The following DOCK8 variants were observed in gnomAD, a reference collection of about 807,000 sequenced individuals.
DOCK8 encodes dedicator of cytokinesis protein 8.
A neutral mutation model predicts 245.6 loss-of-function variants in DOCK8; 141 were observed. The ratio of observed to expected loss-of-function variants is 0.57; its 90% CI spans 0.50 to 0.66. The LOEUF (loss-of-function observed/expected upper bound fraction) is 0.66. Ranked by LOEUF, DOCK8 falls within the 30% of genes least tolerant of loss-of-function variation. DOCK8 has a pLI of 0.00. For missense variants in DOCK8, 2,965 were observed against 2,603.4 expected (o/e 1.14, Z -3.02); for synonymous variants, 1,168 against 970.2 (o/e 1.20, Z -3.79).
chr9:244,703 G>T (rs1051735441), intron 1 of DOCK8, among the ~76,000 whole-genome samples: 1 of 151,958 alleles, frequency 6.6e-6, no homozygotes, highest in Non-Finnish European at 1.5e-5. Flanking sequence ...GGTCTGCATG[G>T]TTCCTCCCTA....
At chr9:241,249 C>T (rs2047367166) in intron 1 of DOCK8, among the ~76,000 whole-genome samples, 1 of 152,230 alleles carries the variant, frequency 6.6e-6, no homozygotes, top group East Asian at 1.9e-4. Context: ...AATATCCTCC[C>T]TTTAAGTATT....
At chr9:287,732 C>T (rs1225470290) in intron 3 of DOCK8, among the ~76,000 whole-genome samples, 2 of 152,214 alleles carry the variant, frequency 1.3e-5, no homozygotes. Flanking sequence ...CATACTCCCC[C>T]ATTTTCAGTC....
chr9:295,165 A>T (rs1016038870), intron 4 of DOCK8, among the ~76,000 whole-genome samples: 23 of 152,234 alleles, frequency 1.5e-4, no homozygotes, highest in Non-Finnish European at 2.8e-4. Context: ...GTCTTAAAAA[A>T]AAAAAAAGAA....
intron 1 of DOCK8, among the ~76,000 whole-genome samples, chr9:251,423 A>G (rs1587665218): frequency 6.6e-6 from 1 of 152,332 alleles, no homozygotes; most frequent in Non-Finnish European, 1.5e-5. Context: ...GCCAGGTTCA[A>G]AGTCTCAGCA....
At chr9:214,824 C>G, upstream of DOCK8, 2 of 1,597,728 alleles carry the variant, frequency 1.3e-6, no homozygotes, top group Non-Finnish European at 1.7e-6. Flanking sequence ...GGGGTGATTT[C>G]GGCTTAGAAG....
chr9:388,023 GTAA>G (rs1481314535), intron 23 of DOCK8, among the ~76,000 whole-genome samples: 6 of 152,132 alleles, frequency 3.9e-5, no homozygotes, highest in African/African-American at 1.4e-4. Context: ...AGGTGTTCTT[GTAA>G]TAATGCTGCC....
intron 1 of DOCK8, among the ~76,000 whole-genome samples, chr9:225,147 C>G (rs185775290): frequency 6.1e-5 from 9 of 147,366 alleles, no homozygotes; most frequent in African/African-American, 2.0e-4. Context: ...AGACAAGCAG[C>G]CTATGCCCTC....
chr9:352,515 G>A (rs528074311), intron 14 of DOCK8, among the ~76,000 whole-genome samples: 130 of 152,124 alleles, frequency 8.5e-4, no homozygotes, highest in African/African-American at 2.8e-3. Context: ...AGGCCGAGGC[G>A]GGTGGATCAC....
rs1054003885 is a variant in DOCK8 at position 449,677 on chromosome 9, C to A, written c.5818-107C>A. ...TTTTAAATTACTCTGAAAGTCTTTC[C>A]CTAGCTGCCTCTTCAAATTCAGGTG... On this transcript the variant is annotated intron_variant, in intron 44 of 47. Transcript: ENST00000432829. 6 of 1,421,100 alleles carry A rather than the reference C, an allele frequency of 4.2e-6. No homozygotes were observed. The African/African-American group carries it at 8.5e-5, about 20-fold the overall frequency. 88.0% of individuals were successfully genotyped at this position (1,421,100 alleles called of 1,614,324 possible).
intron 1 of DOCK8, among the ~76,000 whole-genome samples, chr9:220,242 G>A (rs896866656): frequency 3.3e-5 from 5 of 152,196 alleles, no homozygotes; most frequent in Admixed American, 1.3e-4. Context: ...AGGTCCATTT[G>A]TGCTTTAGGC....
At chr9:288,054 G>A (rs892414787) in intron 3 of DOCK8, among the ~76,000 whole-genome samples, 10 of 150,178 alleles carry the variant, frequency 6.7e-5, no homozygotes, top group Admixed American at 6.0e-4. Flanking sequence ...AGAGGAAGGA[G>A]GAGGTTTTTT....
intron 4 of DOCK8, among the ~76,000 whole-genome samples, chr9:301,984 T>C (rs1563895864): frequency 6.8e-6 from 1 of 146,342 alleles, no homozygotes; most frequent in Non-Finnish European, 1.5e-5. Context: ...TTTCACAGAA[T>C]TTAAAAAAAA....
At chr9:300,711 T>A (rs927322744) in intron 4 of DOCK8, among the ~76,000 whole-genome samples, 8 of 152,196 alleles carry the variant, frequency 5.3e-5, no homozygotes, top group African/African-American at 1.9e-4. Context: ...GAGACTGTTA[T>A]AAATACCCCT....
chr9:336,796 G>A (rs889487967), intron 12 of DOCK8, 78 bp downstream of exon 12: 27 of 1,571,142 alleles, frequency 1.7e-5, no homozygotes, highest in South Asian at 6.7e-5. Context: ...AGGAGGATAC[G>A]TAGTGATTAA....
intron 12 of DOCK8, among the ~76,000 whole-genome samples, chr9:337,171 A>C (rs539018006): frequency 1.3e-5 from 2 of 152,260 alleles, no homozygotes; most frequent in East Asian, 3.9e-4. Context: ...CCACTTCCCA[A>C]CACTGCCACC....
chr9:393,671 T>C lies in DOCK8; in HGVS notation c.2970+3105T>C, dbSNP rs58977443. The stretch of plus-strand genomic sequence containing the variant: ...CATCTTACCTCTAGGAAGTCCCTTA[T>C]GGTAAACAGATGAAGTTTTTTGGGA... On this transcript the variant is annotated intron_variant, in intron 24 of 47. Transcript: ENST00000432829. Among the ~76,000 whole-genome samples, 537 of 152,316 alleles carry C rather than the reference T, an allele frequency of 3.5e-3. 2 individuals carry two copies. Among genetic ancestry groups the C allele is most frequent in the African/African-American group, 0.013 (520 of 41,562 alleles).
chr9:432,388 A>G (rs1183899470), intron 37 of DOCK8, 64 bp downstream of exon 37: 9 of 1,462,604 alleles, frequency 6.2e-6, no homozygotes, highest in Non-Finnish European at 8.6e-6. Flanking sequence ...TTGTGTATGT[A>G]TGTATGTACA....
At position 432,157 on chromosome 9, in the gene DOCK8, C is replaced by A. The variant is rs1268680936; in HGVS notation, c.4627-9C>A. ...TACTTCATCTTTTTTTTTTTTTTCACTGATGCAGAATTTTGCAAGAGTAAA... is the reference window on the plus strand; with the variant it reads ...TACTTCATCTTTTTTTTTTTTTTCAATGATGCAGAATTTTGCAAGAGTAAA... On this transcript the variant is annotated splice_polypyrimidine_tract_variant and intron_variant, in intron 36 of 47. Transcript: ENST00000432829. The A allele has an allele frequency of 3.1e-6, 5 of 1,598,966 alleles. No individual in the cohort carries two copies. Among genetic ancestry groups the A allele is most frequent in the Non-Finnish European group, 2.6e-6 (3 of 1,174,160 alleles).
At chr9:249,468 C>G (rs1026553472) in intron 1 of DOCK8, among the ~76,000 whole-genome samples, 2 of 152,186 alleles carry the variant, frequency 1.3e-5, no homozygotes, top group Non-Finnish European at 2.9e-5. Context: ...GGCATTTCTT[C>G]TTCATTCCTA....
Sources: allele counts gnomAD v4.1 joint callset (sites outside exome capture counted in the v4.1 genomes callset), GRCh38; gene constraint gnomAD v4.1.1; transcripts MANE v1.5; gene names NCBI Gene and HGNC (gene_info 2026-07-23, HGNC 2026-07-21).